The following EYS variants were observed in gnomAD, a reference collection of about 807,000 sequenced individuals.
EYS encodes EGF-like photoreceptor maintenance factor.
In EYS, 250 loss-of-function variants were observed where a neutral mutation model predicts 282.1. The observed-to-expected ratio is 0.89, with a 90% CI of 0.80 to 0.98. EYS has a LOEUF of 0.98. Ranked by LOEUF, EYS falls within the 50% of genes least tolerant of loss-of-function variation. EYS has a pLI of 0.00. For missense variants in EYS, 4,016 were observed against 3,709.0 expected (o/e 1.08, Z -2.15); for synonymous variants, 1,355 against 1,282.9 (o/e 1.06, Z -1.20).
intron 29 of EYS, among the ~76,000 whole-genome samples, chr6:64,340,024 A>T (rs1447784884): frequency 7.4e-6 from 1 of 134,398 alleles, no homozygotes; most frequent in East Asian, 2.2e-4. Context: ...ATCAAATATC[A>T]CTTGTACCCC....
At chr6:65,702,509 C>T (rs1002008828) in intron 1 of EYS, among the ~76,000 whole-genome samples, 9 of 151,944 alleles carry the variant, frequency 5.9e-5, no homozygotes, top group African/African-American at 1.2e-4. Context: ...CTAGCCAACA[C>T]GGTGAAAGCT....
intron 13 of EYS, among the ~76,000 whole-genome samples, chr6:65,039,337 T>G (rs1772862562): frequency 6.6e-6 from 1 of 151,744 alleles, no homozygotes; most frequent in African/African-American, 2.4e-5. Context: ...GTTCTATTTC[T>G]GAAATTTTTC....
intron 14 of EYS, among the ~76,000 whole-genome samples, chr6:64,985,622 T>G (rs1007970365): frequency 4.6e-5 from 7 of 151,356 alleles, no homozygotes; most frequent in Admixed American, 4.6e-4. Flanking sequence ...ACTGAAAAAA[T>G]AAATTTCTTT....
chr6:64,341,296 G>C (rs542423208), intron 29 of EYS, among the ~76,000 whole-genome samples: 1 of 151,812 alleles, frequency 6.6e-6, no homozygotes, highest in Admixed American at 6.6e-5. Context: ...ATCAATATGA[G>C]TGCCCATTAA....
At chr6:65,383,565 T>A (rs1157726883) in intron 8 of EYS, among the ~76,000 whole-genome samples, 1 of 151,712 alleles carries the variant, frequency 6.6e-6, no homozygotes, top group Non-Finnish European at 1.5e-5. Context: ...TTTCTTGTCT[T>A]ATTTCTCAAA....
chr6:63,895,905 GTTTTTTT>G (rs10705427), intron 35 of EYS, among the ~76,000 whole-genome samples: 62,519 of 125,776 alleles, frequency 0.5, 14,769 homozygotes, highest in East Asian at 0.6. Context: ...ATCATGATTT[GTTTTTTT>G]TTTTTTTTTT....
At chr6:65,320,451 G>T (rs1239244889) in intron 11 of EYS, among the ~76,000 whole-genome samples, 1 of 152,126 alleles carries the variant, frequency 6.6e-6, no homozygotes, top group Non-Finnish European at 1.5e-5. Flanking sequence ...ATCAGTTGCA[G>T]CCCTGGGACT....
chr6:65,439,580 G>C (rs1206495199), intron 5 of EYS, among the ~76,000 whole-genome samples: 1 of 152,032 alleles, frequency 6.6e-6, no homozygotes, highest in African/African-American at 2.4e-5. Context: ...TTGTAAGTTG[G>C]ATTCCTAGGT....
At chr6:64,110,545 G>T (rs1773172228) in intron 31 of EYS, among the ~76,000 whole-genome samples, 1 of 151,980 alleles carries the variant, frequency 6.6e-6, no homozygotes, top group Non-Finnish European at 1.5e-5. Flanking sequence ...ATATGGATCT[G>T]AAGTTTACAG....
intron 11 of EYS, among the ~76,000 whole-genome samples, chr6:65,322,465 G>T (rs2150306140): frequency 6.6e-6 from 1 of 152,248 alleles, no homozygotes; most frequent in South Asian, 2.1e-4. Context: ...GGCTGGTTAT[G>T]CAGCAGGAAT....
At chr6:64,588,053 G>A (rs1317257575) in intron 26 of EYS, among the ~76,000 whole-genome samples, 1 of 151,968 alleles carries the variant, frequency 6.6e-6, no homozygotes, top group Non-Finnish European at 1.5e-5. Context: ...AGACTAGATG[G>A]TATTTGTCAG....
At chr6:65,120,460 C>CAAAAAAAAAAAAAAAAAAAAATAAAAAA (rs1775506313) in intron 12 of EYS, among the ~76,000 whole-genome samples, 1 of 68,288 alleles carries the variant, frequency 1.5e-5, no homozygotes, top group Non-Finnish European at 2.7e-5. Flanking sequence ...TTTAAATAAG[C>CAAAAAAAAAAAAAAAAAAAAATAAAAAA]AAAAAAAAAA....
chr6:64,900,561 G>GT (rs1314588378), intron 18 of EYS, among the ~76,000 whole-genome samples: 3 of 152,056 alleles, frequency 2.0e-5, no homozygotes, highest in Non-Finnish European at 4.4e-5. Context: ...CCATCAAAAA[G>GT]TGGGCAAAGG....
At chr6:65,295,065 A>G (rs1307656592) in intron 12 of EYS, among the ~76,000 whole-genome samples, 1 of 151,856 alleles carries the variant, frequency 6.6e-6, no homozygotes, top group African/African-American at 2.4e-5. Context: ...CAGGGAAAAT[A>G]TTTTTCATGT....
intron 31 of EYS, among the ~76,000 whole-genome samples, chr6:64,211,678 C>T (rs1765778366): frequency 7.7e-6 from 1 of 129,732 alleles, no homozygotes; most frequent in Admixed American, 7.9e-5. Flanking sequence ...TTAATTCATA[C>T]ATAATTATAT....
intron 29 of EYS, among the ~76,000 whole-genome samples, chr6:64,368,856 T>C (rs1051791203): frequency 6.6e-6 from 1 of 152,198 alleles, no homozygotes; most frequent in Admixed American, 6.5e-5. Context: ...CTGTAGTTTG[T>C]TGGTTTACTT....
chr6:65,455,803 G>A (rs1764584070), intron 5 of EYS, among the ~76,000 whole-genome samples: 1 of 152,066 alleles, frequency 6.6e-6, no homozygotes, highest in Admixed American at 6.6e-5. Flanking sequence ...TGGGTTCACT[G>A]CTGAATTCTA....
chr6:64,027,220 G>A (rs1769564046), intron 33 of EYS, among the ~76,000 whole-genome samples: 1 of 152,140 alleles, frequency 6.6e-6, no homozygotes, highest in African/African-American at 2.4e-5. Flanking sequence ...CTGTGTTCTA[G>A]AAGGACTAAG....
chr6:64,043,958 C>T (rs556686470), intron 33 of EYS, among the ~76,000 whole-genome samples: 2 of 152,252 alleles, frequency 1.3e-5, no homozygotes, highest in African/African-American at 4.8e-5. Context: ...TTTTCAACTC[C>T]ACACGTAACT....
Sources: gnomAD v4.1 joint callset for allele counts (sites outside exome capture counted in the v4.1 genomes callset) on GRCh38, gnomAD v4.1.1 for gene constraint, MANE v1.5 for transcripts, NCBI Gene and HGNC (gene_info 2026-07-23, HGNC 2026-07-21) for gene names.